The following FXYD2 variants were observed in gnomAD, a reference collection of about 807,000 sequenced individuals.
The protein encoded by FXYD2 is FXYD domain containing ion transport regulator 2, also known as sodium/potassium-transporting ATPase subunit gamma.
Under a neutral mutation model 11.8 loss-of-function variants are expected in FXYD2, and 8 were observed. The ratio of observed to expected loss-of-function variants is 0.68; its 90% CI spans 0.40 to 1.22. The LOEUF is 1.22. Ranked by LOEUF, FXYD2 falls within the 50% of genes most tolerant of loss-of-function variation. The pLI, the probability that FXYD2 is intolerant of heterozygous loss-of-function variation, is 0.01. For synonymous variants in FXYD2, 42 were observed against 33.3 expected (o/e 1.26, Z -0.90); for missense variants, 92 against 91.8 (o/e 1.00, Z -0.01).
Position 117,822,138 on chromosome 11 carries a change from G to A in FXYD2, c.139+268C>T, listed in dbSNP as rs550718876. On this transcript the variant is annotated intron_variant, in intron 3 of 5. Coordinates refer to ENST00000292079, the MANE Select transcript of FXYD2 (RefSeq NM_001680.5). The surrounding 1 kb of genome is among the most constrained non-coding windows in gnomAD (Gnocchi z 4.7). ...GCCTAGTCCCCCTGTCTGGCCCTCC[G>A]GTTACCCAGTTACCCCGTGGGTTTG... 1.6e-5 allele frequency: 22 copies of A among 1,388,670 alleles called. No individual in the cohort carries two copies. The highest frequency in any genetic ancestry group is 3.0e-5 in the Admixed American group (1 of 33,828). The allele number at this position is 1,388,670 out of a possible 1,614,324, so 86.0% of individuals were successfully genotyped here.
rs142564967 is a variant in FXYD2 at position 117,821,251 on chromosome 11, G to A, written c.140-356C>T. On this transcript the variant is annotated intron_variant, in intron 3 of 5. Coordinates refer to ENST00000292079, the MANE Select transcript of FXYD2 (RefSeq NM_001680.5). ...AAAAAAATTTTTTTTTGTATAGATC[G>A]GGTCTCACTGTATTGACCAGGCTGG... The A allele has an allele frequency of 1.3e-3, 875 of 695,374 alleles. 7 individuals are homozygous for A. The African/African-American group carries it at 0.015, about 12-fold the overall frequency. The allele number at this position is 695,374 out of a possible 1,614,324, so 43.1% of individuals were successfully genotyped here. A position where few individuals can be genotyped will look rare whatever the true frequency, so the allele number is the denominator to read the frequency against.
At chr11:117,827,926 G>T, upstream of FXYD2, 1 of 1,094,742 alleles carries the variant, frequency 9.1e-7, no homozygotes, top group Non-Finnish European at 1.4e-6. Context: ...GGGTGCACTT[G>T]AAAGGGACGG....
upstream of FXYD2, chr11:117,824,840 T>C (rs1280140844): frequency 6.7e-6 from 6 of 889,310 alleles, no homozygotes; most frequent in Non-Finnish European, 1.1e-5. This position sits in a 1 kb window ranked among gnomAD's most constrained non-coding sequence, Gnocchi z 4.0. Flanking sequence ...AGCTGCAGTG[T>C]GGATGGAGGG....
chr11:117,820,680 C>T lies in FXYD2; in HGVS notation c.193G>A (p.Glu65Lys), dbSNP rs552097922. The T allele has an allele frequency of 6.2e-6, 10 of 1,613,996 alleles. No homozygotes were observed. The highest frequency in any genetic ancestry group is 5.5e-5 in the South Asian group (5 of 91,078). The change falls in exon 5 of 6, where the codon GAG (glutamate) becomes AAG (lysine). Residue 65 changes from glutamate (E) to lysine (K), a missense_variant. Glu to Lys is a moderately conservative substitution (Grantham distance 56). Coordinates refer to ENST00000292079, the MANE Select transcript of FXYD2 (RefSeq NM_001680.5). ...NKKRRQINED[E>K]P Reference sequence around the variant, plus strand: ...TCCTAGCATACCTGCTGTTACGGCTCATCTTCATTGATTTGCCTGGTGGGG... The same window carrying T: ...TCCTAGCATACCTGCTGTTACGGCTTATCTTCATTGATTTGCCTGGTGGGG...
upstream of FXYD2, among the ~76,000 whole-genome samples, chr11:117,825,410 C>T (rs1388367586): frequency 3.3e-5 from 5 of 152,238 alleles, no homozygotes; most frequent in South Asian, 2.1e-4. Context: ...GCCTGGCTCT[C>T]GGATTGTGTC....
intron 3 of FXYD2, chr11:117,821,924 G>C: frequency 9.7e-7 from 1 of 1,031,114 alleles, no homozygotes; most frequent in Non-Finnish European, 1.2e-6. Flanking sequence ...AGCTCCTGCT[G>C]TGTGCCCCTC....
At chr11:117,825,005 C>T (rs2056003634), upstream of FXYD2, among the ~76,000 whole-genome samples, 3 of 152,246 alleles carry the variant, frequency 2.0e-5, no homozygotes, top group Non-Finnish European at 2.9e-5. Flanking sequence ...ACAGCTGGGG[C>T]GGTGGGAACA....
At position 117,822,993 on chromosome 11, in the gene FXYD2, C is replaced by A. The variant is rs2055947222; in HGVS notation, c.26-276G>T. On this transcript the variant is annotated intron_variant, in intron 1 of 5. Coordinates refer to ENST00000292079, the MANE Select transcript of FXYD2 (RefSeq NM_001680.5). This position sits in a 1 kb window ranked among gnomAD's most constrained non-coding sequence, Gnocchi z 4.7. Reference sequence around the variant, plus strand: ...ACCACTCCGGAAGGGTGGCTCTCTCCTGCTCCTTGATTCCTACCATGGTAG... The same window carrying A: ...ACCACTCCGGAAGGGTGGCTCTCTCATGCTCCTTGATTCCTACCATGGTAG... Among the ~76,000 whole-genome samples, 1 of 152,194 alleles carries A rather than the reference C, an allele frequency of 6.6e-6. No homozygotes were observed. Among genetic ancestry groups the A allele is most frequent in the Non-Finnish European group, 1.5e-5 (1 of 68,038 alleles).
rs1437524579 is a variant in FXYD2 at position 117,822,936 on chromosome 11, G to A, written c.26-219C>T. On this transcript the variant is annotated intron_variant, in intron 1 of 5. Transcript: ENST00000292079. The surrounding 1 kb of genome is among the most constrained non-coding windows in gnomAD (Gnocchi z 4.7). ...ACTGGGGACCAAATACCGAGTGTCCGAGGGGGATCCGTGCTGTCTGGGGGG... is the reference window on the plus strand; with the variant it reads ...ACTGGGGACCAAATACCGAGTGTCCAAGGGGGATCCGTGCTGTCTGGGGGG... 6.6e-6 allele frequency among the ~76,000 whole-genome samples: 1 copy of A among 152,112 alleles called. No homozygotes were observed. The highest frequency in any genetic ancestry group is 1.9e-4 in the East Asian group (1 of 5,180).
intron 5 of FXYD2, 21 bp downstream of exon 5, chr11:117,820,645 C>T (rs897902495): frequency 6.2e-7 from 1 of 1,613,688 alleles, no homozygotes; most frequent in East Asian, 2.2e-5. Flanking sequence ...CCCGCACCTT[C>T]CCCAGGCCCT....
At chr11:117,826,754 A>ATCTGTCTGTCTGTCTG (rs61440081), upstream of FXYD2, among the ~76,000 whole-genome samples, 3 of 143,594 alleles carry the variant, frequency 2.1e-5, no homozygotes, top group East Asian at 4.3e-4. Flanking sequence ...AAATAAATTC[A>ATCTGTCTGTCTGTCTG]TCTGTCTGTC....
chr11:117,826,516 G>A (rs1403574549), upstream of FXYD2, among the ~76,000 whole-genome samples: 1 of 152,156 alleles, frequency 6.6e-6, no homozygotes, highest in Non-Finnish European at 1.5e-5. Flanking sequence ...AAAAACGAGG[G>A]CAGGAAGGTG....
In FXYD2 at chr11:117,822,151, C is replaced by A; in HGVS notation, c.139+255G>T. 7.1e-7 allele frequency: 1 copy of A among 1,406,212 alleles called. No homozygotes were observed. 87.1% of individuals were successfully genotyped at this position (1,406,212 alleles called of 1,614,324 possible). A position where few individuals can be genotyped will look rare whatever the true frequency, so the allele number is the denominator to read the frequency against. ...GTCTGGCCCTCCGGTTACCCAGTTA[C>A]CCCGTGGGTTTGCTCTCACTTCTGC... On this transcript the variant is annotated intron_variant, in intron 3 of 5. Coordinates refer to ENST00000292079, the MANE Select transcript of FXYD2 (RefSeq NM_001680.5). This position sits in a 1 kb window ranked among gnomAD's most constrained non-coding sequence, Gnocchi z 4.7.
chr11:117,821,545 G>A, intron 3 of FXYD2: 6 of 985,912 alleles, frequency 6.1e-6, no homozygotes, highest in Non-Finnish European at 7.2e-6. Context: ...AAGGATGGCA[G>A]CAACTCCAAA....
At chr11:117,824,792 T>G (rs1379645604), upstream of FXYD2, 2 of 1,311,442 alleles carry the variant, frequency 1.5e-6, no homozygotes, top group Non-Finnish European at 2.1e-6. The surrounding 1 kb of genome is among the most constrained non-coding windows in gnomAD (Gnocchi z 4.0). Context: ...CATTAAACAT[T>G]AACAGTGCCA....
upstream of FXYD2, among the ~76,000 whole-genome samples, chr11:117,827,089 T>TAGAG (rs2056058170): frequency 2.3e-3 from 4 of 1,766 alleles, no homozygotes; most frequent in Admixed American, 0.017. Flanking sequence ...AATAGAGAGA[T>TAGAG]AGATAGATAG....
At chr11:117,827,394 C>A (rs2056067752), upstream of FXYD2, among the ~76,000 whole-genome samples, 1 of 152,156 alleles carries the variant, frequency 6.6e-6, no homozygotes, top group South Asian at 2.1e-4. Context: ...GGATTAAAGG[C>A]ATGTGCCACC....
chr11:117,826,231 G>C (rs767898909), upstream of FXYD2, among the ~76,000 whole-genome samples: 1 of 152,222 alleles, frequency 6.6e-6, no homozygotes, highest in East Asian at 1.9e-4. Context: ...AAATGGGCAC[G>C]AATGAGTGAG....
chr11:117,825,618 G>A (rs942116714), upstream of FXYD2, among the ~76,000 whole-genome samples: 2 of 152,164 alleles, frequency 1.3e-5, no homozygotes, highest in African/African-American at 4.8e-5. Flanking sequence ...GGGTCACACA[G>A]CCAGTGTGGG....
Sources: gnomAD v4.1 joint callset for allele counts (sites outside exome capture counted in the v4.1 genomes callset) on GRCh38, gnomAD v4.1.1 for gene constraint, Gnocchi (gnomAD v3.1) non-coding constraint, MANE v1.5 for transcripts, NCBI Gene and HGNC (gene_info 2026-07-23, HGNC 2026-07-21) for gene names.